ZFAND6: variants seen among roughly 807,000 people sequenced by gnomAD.
ZFAND6 encodes the protein AN1-type zinc finger protein 6.
A neutral mutation model predicts 24.5 loss-of-function variants in ZFAND6; 12 were observed. The observed-to-expected ratio is 0.49, with a 90% confidence interval of 0.31 to 0.79. The LOEUF is 0.79. ZFAND6 is among the 30% of genes least tolerant of loss of function. The pLI, the probability that ZFAND6 is intolerant of heterozygous loss-of-function variation, is 0.04. For missense variants in ZFAND6, 207 were observed against 245.9 expected (o/e 0.84, Z 1.06); for synonymous variants, 92 against 81.5 (o/e 1.13, Z -0.69).
At chr15:80,114,990 T>C (rs1343449737) in intron 2 of ZFAND6, 1 of 152,210 alleles carries the variant, frequency 6.6e-6, no homozygotes, top group Non-Finnish European at 1.5e-5. Context: ...GACAGTTCTC[T>C]TTTTTGTTGT....
intron 2 of ZFAND6, among the ~76,000 whole-genome samples, chr15:80,110,637 G>A (rs116526978): frequency 0.014 from 2,102 of 151,920 alleles, 49 homozygotes; most frequent in African/African-American, 0.048. Context: ...ATTTAGAATA[G>A]GATAGAGAAA....
chr15:80,093,889 A>G (rs2038547520), intron 1 of ZFAND6, among the ~76,000 whole-genome samples: 1 of 152,186 alleles, frequency 6.6e-6, no homozygotes, highest in African/African-American at 2.4e-5. Context: ...GTAGAATAAT[A>G]AGATTGGGAG....
rs971123033 is a variant in ZFAND6, at chr15:80,137,272, CT to C, written c.479-207del. ...TGAAGAAACAAGCTCAGAGGACTTT[CT>C]CTAGGGCAAACCTGCGTTTGTAGAT... On this transcript the variant is annotated intron_variant, in intron 6 of 6. Coordinates refer to ENST00000261749, the MANE Select transcript of ZFAND6 (RefSeq NM_019006.4). Among the ~76,000 whole-genome samples, 58 of 152,322 alleles carry C rather than the reference CT, an allele frequency of 3.8e-4. 1 individual carries two copies. The highest frequency in any genetic ancestry group is 1.3e-3 in the African/African-American group (55 of 41,570).
At chr15:80,084,741 T>C (rs1222667390) in intron 1 of ZFAND6, among the ~76,000 whole-genome samples, 2 of 152,208 alleles carry the variant, frequency 1.3e-5, no homozygotes, top group Non-Finnish European at 2.9e-5. Flanking sequence ...AGGTTTTTGC[T>C]TTTACTAACC....
At chr15:80,128,743 A>G (rs2040475093) in intron 5 of ZFAND6, among the ~76,000 whole-genome samples, 1 of 152,236 alleles carries the variant, frequency 6.6e-6, no homozygotes, top group Admixed American at 6.5e-5. Context: ...GCTTTTAGAT[A>G]GCCTTCTGAT....
chr15:80,109,546 A>G (rs944024907), intron 2 of ZFAND6, among the ~76,000 whole-genome samples: 12 of 152,238 alleles, frequency 7.9e-5, no homozygotes, highest in Admixed American at 1.3e-4. Flanking sequence ...AATACCTGTC[A>G]TACCCAGCAA....
At chr15:80,095,002 A>C (rs2038634810) in intron 1 of ZFAND6, among the ~76,000 whole-genome samples, 1 of 152,004 alleles carries the variant, frequency 6.6e-6, no homozygotes, top group African/African-American at 2.4e-5. Flanking sequence ...CGAGCTCCTG[A>C]CCTCAGGTAA....
At chr15:80,106,524 T>C (rs1460834585) in intron 2 of ZFAND6, among the ~76,000 whole-genome samples, 1 of 151,868 alleles carries the variant, frequency 6.6e-6, no homozygotes, top group African/African-American at 2.4e-5. Context: ...CCAGCCCTAA[T>C]CTAGAGTGCT....
At chr15:80,112,523 G>T (rs1239648773) in intron 2 of ZFAND6, among the ~76,000 whole-genome samples, 1 of 151,898 alleles carries the variant, frequency 6.6e-6, no homozygotes, top group South Asian at 2.1e-4. Context: ...TCAGTCTCCT[G>T]AGTAGCTGGG....
intron 1 of ZFAND6, among the ~76,000 whole-genome samples, chr15:80,095,591 T>G (rs577879922): frequency 1.9e-4 from 29 of 152,236 alleles, no homozygotes; most frequent in Non-Finnish European, 3.8e-4. Flanking sequence ...AGATATTTAA[T>G]GGATTTAGAT....
At chr15:80,110,493 A>G (rs577131489) in intron 2 of ZFAND6, among the ~76,000 whole-genome samples, 8 of 152,190 alleles carry the variant, frequency 5.3e-5, no homozygotes, top group East Asian at 3.9e-4. Flanking sequence ...TAAAAATCCT[A>G]TTGGTTTTTA....
chr15:80,068,408 G>A (rs531572910), intron 1 of ZFAND6, among the ~76,000 whole-genome samples: 13 of 151,778 alleles, frequency 8.6e-5, no homozygotes, highest in African/African-American at 3.1e-4. Flanking sequence ...GTCTCGCTCT[G>A]TTGCCCAGGC....
At chr15:80,121,965 A>G (rs752717739) in intron 4 of ZFAND6, 145 bp downstream of exon 4, 1 of 682,040 alleles carries the variant, frequency 1.5e-6, no homozygotes, top group Non-Finnish European at 2.3e-6. Context: ...ACTAGTTAGA[A>G]AAAGCGATTT....
rs557321447 is a variant in ZFAND6, at chr15:80,103,688, T to G, written c.-18+5110T>G. The stretch of plus-strand genomic sequence containing the variant: ...AACACCAAAAATGAACTATTCTATT[T>G]GAAGCAGAAATTTGTAACCCATTCT... On this transcript the variant is annotated intron_variant, in intron 2 of 6. Coordinates refer to ENST00000261749, the MANE Select transcript of ZFAND6 (RefSeq NM_019006.4). Among the ~76,000 whole-genome samples, 14 of 152,354 alleles carry G rather than the reference T, an allele frequency of 9.2e-5. No homozygotes were observed. The East Asian group carries it at 2.7e-3, about 29-fold the overall frequency.
intron 1 of ZFAND6, among the ~76,000 whole-genome samples, chr15:80,082,281 C>CT (rs1323253449): frequency 6.7e-6 from 1 of 150,094 alleles, no homozygotes. Flanking sequence ...GACACATTAA[C>CT]TTTAAGTTCT....
At chr15:80,090,727 A>G (rs2038306154) in intron 1 of ZFAND6, among the ~76,000 whole-genome samples, 1 of 152,112 alleles carries the variant, frequency 6.6e-6, no homozygotes. Flanking sequence ...TTTGCTCAGA[A>G]CTCCTATTTA....
At chr15:80,068,119 G>A (rs1456096444) in intron 1 of ZFAND6, among the ~76,000 whole-genome samples, 2 of 149,066 alleles carry the variant, frequency 1.3e-5, no homozygotes, top group Admixed American at 6.7e-5. Context: ...GCACCACCGC[G>A]CCTGGCCTGT....
intron 2 of ZFAND6, chr15:80,111,437 C>G (rs1012681459): frequency 1.6e-5 from 7 of 443,682 alleles, no homozygotes; most frequent in African/African-American, 1.4e-4. Context: ...GGTTTCACAT[C>G]CTGGGAATAC....
At chr15:80,062,920 T>TA (rs2036411258) in intron 1 of ZFAND6, among the ~76,000 whole-genome samples, 1 of 152,198 alleles carries the variant, frequency 6.6e-6, no homozygotes, top group South Asian at 2.1e-4. Context: ...CTTAAGAACT[T>TA]ACCGAAATGT....
Sources: gnomAD v4.1 joint callset for allele counts (sites outside exome capture counted in the v4.1 genomes callset) on GRCh38, gnomAD v4.1.1 for gene constraint, MANE v1.5 for transcripts, NCBI Gene and HGNC (gene_info 2026-07-23, HGNC 2026-07-21) for gene names.